The following LSM14A variants were observed in gnomAD, a reference collection of about 807,000 sequenced individuals.
The protein encoded by LSM14A is protein LSM14 homolog A.
A neutral mutation model predicts 52.4 loss-of-function variants in LSM14A; 14 were observed. The ratio of observed to expected loss-of-function variants is 0.27; its 90% CI spans 0.18 to 0.42. The LOEUF is 0.42. Among genes scored for constraint, LSM14A ranks in the 10% least tolerant of loss-of-function variants. The pLI is 1.00. For missense variants in LSM14A, 417 were observed against 581.8 expected (o/e 0.72, Z 2.91); for synonymous variants, 185 against 200.3 (o/e 0.92, Z 0.64).
At chr19:34,203,675 C>T (rs916454602) in intron 3 of LSM14A, among the ~76,000 whole-genome samples, 3 of 151,680 alleles carry the variant, frequency 2.0e-5, no homozygotes, top group East Asian at 3.9e-4. Context: ...TGGTGGCGTG[C>T]GCCTGTAATC....
intron 1 of LSM14A, among the ~76,000 whole-genome samples, chr19:34,176,920 C>G (rs889999098): frequency 2.0e-5 from 3 of 152,196 alleles, no homozygotes; most frequent in Non-Finnish European, 4.4e-5. Flanking sequence ...TGTTTCATAT[C>G]CCTTACCAAC....
intron 3 of LSM14A, among the ~76,000 whole-genome samples, chr19:34,205,229 G>A (rs1269183063): frequency 1.3e-5 from 2 of 151,192 alleles, no homozygotes; most frequent in African/African-American, 2.4e-5. Flanking sequence ...TCTCCCACCT[G>A]TAATCCCAGC....
chr19:34,226,087 A>ATAACCTTATGG (rs1420045225), intron 9 of LSM14A, among the ~76,000 whole-genome samples: 2 of 151,854 alleles, frequency 1.3e-5, no homozygotes, highest in Non-Finnish European at 2.9e-5. Context: ...AGAAAGAAAT[A>ATAACCTTATGG]TAACCTTATG....
At chr19:34,194,457 T>A (rs746833743) in intron 1 of LSM14A, 21 bp from the exon 2 acceptor site, 2 of 1,611,958 alleles carry the variant, frequency 1.2e-6, no homozygotes, top group Non-Finnish European at 1.7e-6. Flanking sequence ...ACACATCTCA[T>A]ATCCTTTGTT....
chr19:34,218,595 C>T (rs1157545534), intron 6 of LSM14A, among the ~76,000 whole-genome samples: 2 of 152,268 alleles, frequency 1.3e-5, no homozygotes, highest in African/African-American at 2.4e-5. Flanking sequence ...TTCTGTTCTG[C>T]GTTTTTCAGT....
At chr19:34,204,858 G>A (rs772001487) in intron 3 of LSM14A, among the ~76,000 whole-genome samples, 5 of 152,120 alleles carry the variant, frequency 3.3e-5, no homozygotes, top group East Asian at 1.9e-4. Context: ...TCGGCTGGGC[G>A]CAATGGCTCA....
At chr19:34,226,395 T>A in intron 9 of LSM14A, 1 of 1,491,488 alleles carries the variant, frequency 6.7e-7, no homozygotes, top group Non-Finnish European at 8.9e-7. Flanking sequence ...TTTTTTTTTT[T>A]TTTACCTTTC....
intron 1 of LSM14A, among the ~76,000 whole-genome samples, chr19:34,174,478 C>T (rs1197815906): frequency 2.0e-5 from 3 of 152,214 alleles, no homozygotes; most frequent in African/African-American, 4.8e-5. Context: ...TTTCCCTCTT[C>T]ACCTTGTGAA....
chr19:34,193,104 C>A (rs1046049140), intron 1 of LSM14A, among the ~76,000 whole-genome samples: 5 of 152,298 alleles, frequency 3.3e-5, no homozygotes, highest in Admixed American at 1.3e-4. Context: ...TTTCAGAAAT[C>A]TCCCAGGACA....
intron 1 of LSM14A, among the ~76,000 whole-genome samples, chr19:34,192,319 G>GTTGTTTTT (rs60512063): frequency 3.7e-5 from 2 of 53,410 alleles, no homozygotes; most frequent in African/African-American, 1.6e-4. Flanking sequence ...TCTTTTTGTT[G>GTTGTTTTT]TTTTTTTTTT....
intron 4 of LSM14A, among the ~76,000 whole-genome samples, chr19:34,214,364 T>G (rs1228100482): frequency 6.6e-6 from 1 of 151,872 alleles, no homozygotes; most frequent in African/African-American, 2.4e-5. Context: ...TAGGCTAGAG[T>G]GCAGTGGCAC....
chr19:34,210,229 A>G (rs754055707), intron 4 of LSM14A, among the ~76,000 whole-genome samples: 3 of 151,990 alleles, frequency 2.0e-5, no homozygotes, highest in Non-Finnish European at 4.4e-5. Flanking sequence ...ATATTTTGAA[A>G]TAGTTCTTAC....
intron 3 of LSM14A, among the ~76,000 whole-genome samples, chr19:34,203,772 C>T (rs545368500): frequency 6.7e-6 from 1 of 149,630 alleles, no homozygotes; most frequent in Non-Finnish European, 1.5e-5. Flanking sequence ...CACTGTACTC[C>T]AGCCTGAGCA....
At chr19:34,183,868 A>G (rs888340151) in intron 1 of LSM14A, among the ~76,000 whole-genome samples, 4 of 152,128 alleles carry the variant, frequency 2.6e-5, no homozygotes, top group African/African-American at 9.7e-5. Context: ...TATAAGTTAC[A>G]ATACTATAAA....
chr19:34,193,549 T>C (rs1222456742), intron 1 of LSM14A, among the ~76,000 whole-genome samples: 1 of 152,222 alleles, frequency 6.6e-6, no homozygotes, highest in Non-Finnish European at 1.5e-5. Context: ...TTTACTGTGT[T>C]GCAGGTGGTC....
chr19:34,210,932 A>G (rs558829933), intron 4 of LSM14A, among the ~76,000 whole-genome samples: 27 of 152,310 alleles, frequency 1.8e-4, no homozygotes, highest in African/African-American at 6.5e-4. Flanking sequence ...TATTGAAATT[A>G]GCATTATTCA....
chr19:34,223,630 C>T (rs2073184597), intron 9 of LSM14A, among the ~76,000 whole-genome samples: 1 of 152,336 alleles, frequency 6.6e-6, no homozygotes, highest in Non-Finnish European at 1.5e-5. Context: ...TGTCAACTAC[C>T]ATGGTAACCC....
intron 3 of LSM14A, among the ~76,000 whole-genome samples, chr19:34,200,259 A>G (rs2071196350): frequency 1.3e-5 from 2 of 152,264 alleles, no homozygotes; most frequent in African/African-American, 2.4e-5. Flanking sequence ...CTGAAGAGAC[A>G]TAACATCCAA....
chr19:34,182,890 CAT>C (rs1017902710), intron 1 of LSM14A, among the ~76,000 whole-genome samples: 8 of 150,330 alleles, frequency 5.3e-5, no homozygotes, highest in African/African-American at 2.0e-4. Context: ...GAAATCCATT[CAT>C]TCTCTCTACC....
Sources: allele counts gnomAD v4.1 joint callset (sites outside exome capture counted in the v4.1 genomes callset), GRCh38; gene constraint gnomAD v4.1.1; transcripts MANE v1.5; gene names NCBI Gene and HGNC (gene_info 2026-07-23, HGNC 2026-07-21).